RBFOX1: variants seen among roughly 807,000 people sequenced by gnomAD.
RBFOX1 encodes the protein RNA binding fox-1 homolog 1, also known as RNA binding protein fox-1 homolog 1.
In RBFOX1, 8 loss-of-function variants were observed where a neutral mutation model predicts 57.7. The ratio of observed to expected loss-of-function variants is 0.14; its 90% CI spans 0.08 to 0.25. The LOEUF is 0.25. Ranked by LOEUF, RBFOX1 falls within the 10% of genes least tolerant of loss-of-function variation. The pLI is 1.00. For missense variants in RBFOX1, 611 were observed against 548.5 expected, an observed-to-expected ratio of 1.11 and a Z score of -1.14; for synonymous variants, 326 against 222.4, an observed-to-expected ratio of 1.47 and a Z score of -4.15.
intron 12 of RBFOX1, chr16:7,664,693 C>A: frequency 1.6e-6 from 1 of 625,920 alleles, no homozygotes; most frequent in Non-Finnish European, 2.7e-6. Flanking sequence ...AGTTTGGGAC[C>A]TAGCACACCG....
At position 7,557,645 on chromosome 16, in the gene RBFOX1, AAAAG is replaced by A. The variant is rs1264295032; in HGVS notation, c.271-22128_271-22125del. Among the ~76,000 whole-genome samples, 120 of 97,676 alleles carry A rather than the reference AAAAG, an allele frequency of 1.2e-3. 5 individuals carry two copies. Among genetic ancestry groups the A allele is most frequent in the African/African-American group, 3.5e-3 (106 of 30,244 alleles). 64.1% of individuals were successfully genotyped at this position (97,676 alleles called of 152,430 possible). A position where few individuals can be genotyped will look rare whatever the true frequency, so the allele number is the denominator to read the frequency against. On this transcript the variant is annotated intron_variant, in intron 5 of 15. Transcript: ENST00000550418. Reference sequence around the variant, plus strand: ...AAAAAAAAAAAAAAAAAAAAAAAGAAAAAGAAAAAAAAAAAGCATTTTCTTAAAC... The same window carrying A: ...AAAAAAAAAAAAAAAAAAAAAAAGAAAAAAAAAAAAAGCATTTTCTTAAAC...
chr16:6,437,207 A>C (rs919031553), intron 2 of RBFOX1, among the ~76,000 whole-genome samples: 2 of 152,348 alleles, frequency 1.3e-5, no homozygotes, highest in East Asian at 3.9e-4. Flanking sequence ...CTGTTCAATC[A>C]GGAATGAGCG....
At chr16:6,951,061 A>G (rs2080649601) in intron 3 of RBFOX1, among the ~76,000 whole-genome samples, 1 of 151,922 alleles carries the variant, frequency 6.6e-6, no homozygotes, top group Non-Finnish European at 1.5e-5. Flanking sequence ...ACGTATCACC[A>G]TGCCCAGCAA....
intron 3 of RBFOX1, among the ~76,000 whole-genome samples, chr16:5,783,746 AC>A (rs1290172523): frequency 1.3e-5 from 2 of 152,198 alleles, no homozygotes; most frequent in Non-Finnish European, 2.9e-5. Context: ...GCCAAAACTT[AC>A]CAAAAACCTC....
At chr16:6,995,667 G>A (rs555483480) in intron 3 of RBFOX1, among the ~76,000 whole-genome samples, 1 of 152,196 alleles carries the variant, frequency 6.6e-6, no homozygotes, top group East Asian at 1.9e-4. Flanking sequence ...GGCTGAGGCA[G>A]GAGAATCACT....
chr16:7,581,646 G>A (rs561198069), intron 6 of RBFOX1, among the ~76,000 whole-genome samples: 21 of 152,186 alleles, frequency 1.4e-4, no homozygotes, highest in African/African-American at 4.8e-4. Flanking sequence ...TAGGGTAGAC[G>A]GCAAGGAGCA....
intron 2 of RBFOX1, among the ~76,000 whole-genome samples, chr16:6,411,968 C>G (rs2093470914): frequency 6.6e-6 from 1 of 151,672 alleles, no homozygotes; most frequent in Non-Finnish European, 1.5e-5. Flanking sequence ...CCTGTCTCTA[C>G]TAAAAATACA....
chr16:6,515,536 G>T (rs1314809919), intron 2 of RBFOX1, among the ~76,000 whole-genome samples: 2 of 152,166 alleles, frequency 1.3e-5, no homozygotes. Flanking sequence ...GTCTTCCCTT[G>T]AGAGCAGACA....
chr16:7,140,177 TC>T lies in RBFOX1; in HGVS notation c.27+88080del, dbSNP rs1220796196. Reference sequence around the variant, plus strand: ...CTCTCCCTCTCTCTCTCTCTCTCTCTCTCTCTCTCTCTCTCTCCCTCCTTCT... The same window carrying T: ...CTCTCCCTCTCTCTCTCTCTCTCTCTTCTCTCTCTCTCTCTCCCTCCTTCT... On this transcript the variant is annotated intron_variant, in intron 4 of 15. Transcript: ENST00000550418. 6.6e-3 allele frequency among the ~76,000 whole-genome samples: 965 copies of T among 147,040 alleles called. 18 individuals are homozygous for T. The highest frequency in any genetic ancestry group is 0.023 in the African/African-American group (905 of 39,876).
rs1596713344 is a variant in RBFOX1 at position 6,904,602 on chromosome 16, A to G, written c.-15-147455A>G. ...GGTGACAGAGTGAGACTCTCTCTAA[A>G]AAAAAAAAAAAAAAAAAAAAAAAAA... is the stretch of plus-strand genomic sequence containing the variant. On this transcript the variant is annotated intron_variant, in intron 3 of 15. Coordinates refer to ENST00000550418, the MANE Select transcript of RBFOX1 (RefSeq NM_018723.4). Among the ~76,000 whole-genome samples the G allele has an allele frequency of 2.4e-5, 3 of 123,548 alleles. No individual in the cohort carries two copies. The South Asian group carries it at 7.5e-4, about 31-fold the overall frequency. The allele number at this position is 123,548 out of a possible 152,430, so 81.1% of individuals were successfully genotyped here.
At chr16:6,358,151 T>A (rs2087728271) in intron 2 of RBFOX1, among the ~76,000 whole-genome samples, 1 of 152,014 alleles carries the variant, frequency 6.6e-6, no homozygotes, top group African/African-American at 2.4e-5. Context: ...TCGTTTAACC[T>A]CCATGAACCT....
chr16:6,553,452 A>T (rs1483427691), intron 2 of RBFOX1, among the ~76,000 whole-genome samples: 1 of 152,202 alleles, frequency 6.6e-6, no homozygotes, highest in African/African-American at 2.4e-5. Context: ...GATAATTGGC[A>T]AGGGAAACAT....
intron 4 of RBFOX1, among the ~76,000 whole-genome samples, chr16:7,391,141 G>T (rs989212409): frequency 3.3e-5 from 5 of 152,160 alleles, no homozygotes; most frequent in African/African-American, 1.2e-4. Flanking sequence ...CCACTGGAAG[G>T]TTTTAGATAG....
intron 2 of RBFOX1, among the ~76,000 whole-genome samples, chr16:5,518,753 T>A (rs899854872): frequency 1.3e-5 from 2 of 152,132 alleles, no homozygotes; most frequent in Non-Finnish European, 2.9e-5. Context: ...CTGTCCTGCA[T>A]GAGGCACAAA....
chr16:6,855,166 T>C (rs1162939337), intron 3 of RBFOX1, among the ~76,000 whole-genome samples: 1 of 152,010 alleles, frequency 6.6e-6, no homozygotes, highest in Non-Finnish European at 1.5e-5. Flanking sequence ...CTATACGTGT[T>C]CTGGTGAGCA....
chr16:5,783,312 T>C (rs2054388388), intron 3 of RBFOX1, among the ~76,000 whole-genome samples: 1 of 152,252 alleles, frequency 6.6e-6, no homozygotes, highest in Non-Finnish European at 1.5e-5. Flanking sequence ...AACTATCTTT[T>C]CGCTGCTTAG....
At chr16:6,794,827 G>A (rs945462224) in intron 3 of RBFOX1, among the ~76,000 whole-genome samples, 1 of 152,034 alleles carries the variant, frequency 6.6e-6, no homozygotes, top group East Asian at 1.9e-4. Flanking sequence ...TTTGATGCAG[G>A]CACTGCTTTC....
At chr16:6,476,006 C>T (rs987384781) in intron 2 of RBFOX1, among the ~76,000 whole-genome samples, 59 of 152,046 alleles carry the variant, frequency 3.9e-4, no homozygotes, top group African/African-American at 1.4e-3. Context: ...GGGCATAAAC[C>T]AAACCTTGAT....
intron 3 of RBFOX1, among the ~76,000 whole-genome samples, chr16:6,855,998 C>T (rs2057817182): frequency 6.6e-6 from 1 of 152,050 alleles, no homozygotes. Flanking sequence ...CCTATTGATC[C>T]TCCATCTTCC....
Sources: gnomAD v4.1 joint callset for allele counts (sites outside exome capture counted in the v4.1 genomes callset) on GRCh38, gnomAD v4.1.1 for gene constraint, MANE v1.5 for transcripts, NCBI Gene and HGNC (gene_info 2026-07-23, HGNC 2026-07-21) for gene names.